SRGAP2C: variants seen among roughly 807,000 people sequenced by gnomAD.
SRGAP2C encodes the protein SLIT-ROBO Rho GTPase activating protein 2C.
A neutral mutation model predicts 25.1 loss-of-function variants in SRGAP2C; 15 were observed. The observed-to-expected ratio is 0.60, with a 90% CI of 0.40 to 0.92. The LOEUF is 0.92. SRGAP2C is among the 40% of genes least tolerant of loss of function. SRGAP2C has a pLI of 0.00. For synonymous variants in SRGAP2C, 44 were observed against 96.6 expected (o/e 0.46, Z 3.19); for missense variants, 144 against 264.4 (o/e 0.54, Z 3.16).
intron 2 of SRGAP2C, among the ~76,000 whole-genome samples, chr1:121,277,544 G>A (rs1239477304): frequency 7.0e-4 from 101 of 143,266 alleles, no homozygotes; most frequent in Admixed American, 1.5e-3. Flanking sequence ...ACCATGCCTG[G>A]CCTAGGCAAA....
chr1:121,208,932 G>A (rs587761794), intron 2 of SRGAP2C, among the ~76,000 whole-genome samples: 1 of 146,520 alleles, frequency 6.8e-6, no homozygotes, highest in South Asian at 2.2e-4. Flanking sequence ...TTTACGCATA[G>A]TTGAGTTGCA....
intron 4 of SRGAP2C, among the ~76,000 whole-genome samples, chr1:121,363,481 CA>C (rs1553348965): frequency 1.8e-5 from 2 of 112,348 alleles, no homozygotes; most frequent in Non-Finnish European, 3.6e-5. Flanking sequence ...ATTGTCAAGA[CA>C]AAAAAATGTG....
At chr1:121,266,048 C>T (rs1428257051) in intron 2 of SRGAP2C, among the ~76,000 whole-genome samples, 3 of 151,896 alleles carry the variant, frequency 2.0e-5, no homozygotes, top group African/African-American at 7.2e-5. Context: ...AATCTCTGCT[C>T]ACTGCAACCT....
At chr1:121,291,751 T>TA (rs1422509148) in intron 3 of SRGAP2C, among the ~76,000 whole-genome samples, 1 of 123,792 alleles carries the variant, frequency 8.1e-6, no homozygotes, top group Non-Finnish European at 1.7e-5. Context: ...CAAAGATGAC[T>TA]AAAACAAGCC....
At chr1:121,278,270 G>A (rs1353738454) in intron 2 of SRGAP2C, among the ~76,000 whole-genome samples, 92,449 of 150,264 alleles carry the variant, frequency 0.62, 28,982 homozygotes, top group East Asian at 0.8. Flanking sequence ...ACTTAATAGA[G>A]TAAAGTAATG....
chr1:121,307,414 A>G (rs1367274177), intron 3 of SRGAP2C, among the ~76,000 whole-genome samples: 1 of 147,386 alleles, frequency 6.8e-6, no homozygotes, highest in Non-Finnish European at 1.5e-5. Context: ...TGTTTTTTAA[A>G]TTTTTTGGTG....
chr1:121,314,713 G>T (rs1414878132), intron 3 of SRGAP2C, among the ~76,000 whole-genome samples: 27 of 151,270 alleles, frequency 1.8e-4, no homozygotes, highest in Non-Finnish European at 3.5e-4. Flanking sequence ...CCCCTGCTGG[G>T]GGGTGCCTCC....
intron 3 of SRGAP2C, among the ~76,000 whole-genome samples, chr1:121,286,676 A>G (rs1657375342): frequency 1.3e-5 from 2 of 152,240 alleles, no homozygotes; most frequent in South Asian, 2.1e-4. Flanking sequence ...ACAACATAGC[A>G]TGTGATTTGT....
intron 2 of SRGAP2C, among the ~76,000 whole-genome samples, chr1:121,210,245 C>G (rs1655216916): frequency 6.6e-6 from 1 of 151,220 alleles, no homozygotes; most frequent in African/African-American, 2.4e-5. Flanking sequence ...AAATCAAATA[C>G]TTGTAAAAAT....
In SRGAP2C at chr1:121,324,551, G is replaced by A; in HGVS notation, c.334G>A (p.Asp112Asn). 5 of 1,612,214 alleles carry A rather than the reference G, an allele frequency of 3.1e-6. No homozygotes were observed. Among genetic ancestry groups the A allele is most frequent in the Non-Finnish European group, 3.4e-6 (4 of 1,178,516 alleles). The change falls in exon 4 of 10, where the codon GAC (aspartate) becomes AAC (asparagine). Residue 112 changes from aspartate (D) to asparagine (N), a missense_variant. Around this residue, in one of 5 missense-constraint regions of SRGAP2C, gnomAD observed 61 missense variants for 61.7 expected, o/e 0.99. Transcript: ENST00000367123. ...AAACCAGGTGAAGTGGGAAAGCAGG[G>A]ACCATACCACCCTGAGTGACATCTA... is the stretch of plus-strand genomic sequence containing the variant. ...LLNQVKWESR[D>N]HTTLSDIYLN...
chr1:121,369,453 C>T (rs1659425653), intron 5 of SRGAP2C, among the ~76,000 whole-genome samples: 1 of 150,116 alleles, frequency 6.7e-6, no homozygotes, highest in South Asian at 2.2e-4. Flanking sequence ...GGCTTTGGGA[C>T]ACTTTGGGGC....
chr1:121,371,048 CAAAGT>C (rs1553350957), intron 5 of SRGAP2C, among the ~76,000 whole-genome samples: 1 of 151,900 alleles, frequency 6.6e-6, no homozygotes, highest in African/African-American at 2.4e-5. Context: ...TTTAGTTTTT[CAAAGT>C]AAAGTGGAAT....
At chr1:121,371,979 A>C (rs1553351293) in intron 5 of SRGAP2C, among the ~76,000 whole-genome samples, 1 of 152,022 alleles carries the variant, frequency 6.6e-6, no homozygotes, top group East Asian at 1.9e-4. Flanking sequence ...TTCTTAGTTA[A>C]CCTGGAAAGC....
intron 2 of SRGAP2C, among the ~76,000 whole-genome samples, chr1:121,272,425 C>G (rs1318265196): frequency 6.6e-6 from 1 of 151,694 alleles, no homozygotes; most frequent in African/African-American, 2.4e-5. Context: ...TCTGCGGCCT[C>G]TCCAGTGGAT....
chr1:121,225,896 G>T (rs1655654201), intron 2 of SRGAP2C, among the ~76,000 whole-genome samples: 1 of 138,050 alleles, frequency 7.2e-6, no homozygotes, highest in South Asian at 2.4e-4. Context: ...GTAGAGACGG[G>T]GTTTCACCAG....
chr1:121,278,164 C>T (rs1486024604), intron 2 of SRGAP2C, among the ~76,000 whole-genome samples: 10 of 152,042 alleles, frequency 6.6e-5, no homozygotes, highest in Admixed American at 4.6e-4. Context: ...CCAGGCTCGT[C>T]TGGAACTCCT....
intron 2 of SRGAP2C, among the ~76,000 whole-genome samples, chr1:121,279,563 G>C (rs1185205998): frequency 1.3e-5 from 2 of 151,738 alleles, no homozygotes; most frequent in African/African-American, 4.8e-5. Context: ...TCTGCCAGTT[G>C]CATGCTTATT....
At chr1:121,336,174 A>C (rs1658511315) in intron 4 of SRGAP2C, among the ~76,000 whole-genome samples, 2 of 152,178 alleles carry the variant, frequency 1.3e-5, no homozygotes, top group South Asian at 4.1e-4. Flanking sequence ...AAGATGACCA[A>C]CTATCCTGTT....
At chr1:121,289,435 C>G (rs1381646946) in intron 3 of SRGAP2C, among the ~76,000 whole-genome samples, 1 of 151,774 alleles carries the variant, frequency 6.6e-6, no homozygotes, top group African/African-American at 2.4e-5. Context: ...ACCCGGAACT[C>G]CAGCTGGCCC....
Sources: gnomAD v4.1 joint callset for allele counts (sites outside exome capture counted in the v4.1 genomes callset) on GRCh38, gnomAD v4.1.1 for gene constraint, gnomAD v4.1.1 regional missense constraint, MANE v1.5 for transcripts, NCBI Gene and HGNC (gene_info 2026-07-23, HGNC 2026-07-21) for gene names.